The following ARHGEF1 variants were observed in gnomAD, a reference collection of about 807,000 sequenced individuals.
ARHGEF1 encodes Rho guanine nucleotide exchange factor 1, also known as 115 kDa guanine nucleotide exchange factor.
A neutral mutation model predicts 119.7 loss-of-function variants in ARHGEF1; 40 were observed. That is an observed-to-expected ratio of 0.33 (90% CI 0.26 to 0.44). ARHGEF1 has a LOEUF of 0.44. Among genes scored for constraint, ARHGEF1 ranks in the 20% least tolerant of loss-of-function variants. ARHGEF1 has a pLI of 1.00. For missense variants in ARHGEF1, 976 were observed against 1,268.3 expected, an observed-to-expected ratio of 0.77 and a Z score of 3.50; for synonymous variants, 494 against 521.0, an observed-to-expected ratio of 0.95 and a Z score of 0.71.
Position 41,888,241 on chromosome 19 carries a change from G to A in ARHGEF1, c.74G>A (p.Gly25Glu). The A allele has an allele frequency of 6.2e-7, 1 of 1,613,988 alleles. No homozygotes were observed. The highest frequency in any genetic ancestry group is 1.7e-5 in the Admixed American group (1 of 60,016). The change falls in exon 3 of 29, where the codon GGG becomes GAG. Residue 25 changes from glycine to glutamate, a missense_variant. Gly to Glu is a moderately conservative substitution (Grantham distance 98). Around this residue, in one of 3 missense-constraint regions of ARHGEF1, gnomAD observed 519 missense variants for 580.9 expected, o/e 0.89. Transcript: ENST00000354532. The surrounding 1 kb of genome is among the most constrained non-coding windows in gnomAD (Gnocchi z 5.1). ...GGCCTGGTTCCCGTCAGCATCATCGGGGCTGAGGATGAGGATTTTGAGAAC... is the reference window on the plus strand; with the variant it reads ...GGCCTGGTTCCCGTCAGCATCATCGAGGCTGAGGATGAGGATTTTGAGAAC... ...RPGLVPVSII[G>E]AEDEDFENEL...
At chr19:41,912,802 G>T in intron 18 of ARHGEF1, 1 of 689,208 alleles carries the variant, frequency 1.5e-6, no homozygotes, top group Non-Finnish European at 2.0e-6. Context: ...GCGGCTCACT[G>T]GGGAAGCCTG....
At chr19:41,897,965 C>T in intron 13 of ARHGEF1, 3 of 1,313,868 alleles carry the variant, frequency 2.3e-6, no homozygotes, top group Non-Finnish European at 1.9e-6. Flanking sequence ...GCGTCTGGGG[C>T]GCTCAGAGAG....
chr19:41,902,769 G>C lies in ARHGEF1; in HGVS notation c.1624-15G>C. 1 of 1,613,278 alleles carries C rather than the reference G, an allele frequency of 6.2e-7. No individual in the cohort carries two copies. The highest frequency in any genetic ancestry group is 8.5e-7 in the Non-Finnish European group (1 of 1,179,970). ...CAAAGCCTGGGCCATCGCAACACCA[G>C]CATGTTTCCCGCAGGAAGCTGAGAG... On this transcript the variant is annotated splice_polypyrimidine_tract_variant and intron_variant, in intron 17 of 28. Transcript: ENST00000354532. The surrounding 1 kb of genome is among the most constrained non-coding windows in gnomAD (Gnocchi z 6.5).
chr19:41,890,001 C>G (rs551650432), intron 4 of ARHGEF1: 1 of 152,108 alleles, frequency 6.6e-6, no homozygotes, highest in African/African-American at 2.4e-5. Flanking sequence ...CAGGGACTTG[C>G]CTGAGGTGAC....
At chr19:41,911,518 G>T (rs547459169), downstream of ARHGEF1, among the ~76,000 whole-genome samples, 1 of 152,324 alleles carries the variant, frequency 6.6e-6, no homozygotes, top group South Asian at 2.1e-4. Context: ...GGGGGCGCAG[G>T]GTCCCACCCA....
At position 41,903,549 on chromosome 19, in the gene ARHGEF1, C is replaced by A; in HGVS notation, c.1839+142C>A. 2.8e-6 allele frequency: 3 copies of A among 1,087,374 alleles called. No individual in the cohort carries two copies. The highest frequency in any genetic ancestry group is 4.1e-6 in the Non-Finnish European group (3 of 739,780). The allele number at this position is 1,087,374 out of a possible 1,614,324, so 67.4% of individuals were successfully genotyped here. ...TCACTGTGTCCAGGGGTTGGCTTGG[C>A]CCTCAGCATCTCCCTCTCAGGGTCA... On this transcript the variant is annotated intron_variant, in intron 19 of 28. Coordinates refer to ENST00000354532, the MANE Select transcript of ARHGEF1 (RefSeq NM_004706.4). This position sits in a 1 kb window ranked among gnomAD's most constrained non-coding sequence, Gnocchi z 4.2.
In ARHGEF1 at chr19:41,897,678, T is replaced by C. The variant is rs372462348; in HGVS notation, c.1122-764T>C. The C allele has an allele frequency of 8.9e-4, 230 of 259,584 alleles. 5 individuals carry two copies. The South Asian group carries it at 0.011, about 12-fold the overall frequency. The allele number at this position is 259,584 out of a possible 1,614,324, so 16.1% of individuals were successfully genotyped here. The stretch of plus-strand genomic sequence containing the variant: ...TGACTCTCTCCTCTCTTCTGTTGCA[T>C]GTTTGATCCCTGTCCTGGTCACCCT... On this transcript the variant is annotated intron_variant, in intron 13 of 28. Coordinates refer to ENST00000354532, the MANE Select transcript of ARHGEF1 (RefSeq NM_004706.4).
chr19:41,889,293 G>C lies in ARHGEF1; in HGVS notation c.225+428G>C, dbSNP rs2074341124. ...CGCAGTCATTCACGGTTGATGGTTG[G>C]GAAAAAGAAGCTGTTAGCCATCCCA... On this transcript the variant is annotated intron_variant, in intron 4 of 28. Coordinates refer to ENST00000354532, the MANE Select transcript of ARHGEF1 (RefSeq NM_004706.4). This position sits in a 1 kb window ranked among gnomAD's most constrained non-coding sequence, Gnocchi z 4.0. 1.2e-5 allele frequency: 2 copies of C among 161,616 alleles called. No homozygotes were observed. The highest frequency in any genetic ancestry group is 1.2e-4 in the Admixed American group (2 of 16,830). The allele number at this position is 161,616 out of a possible 1,614,324, so 10.0% of individuals were successfully genotyped here. A position where few individuals can be genotyped will look rare whatever the true frequency, so the allele number is the denominator to read the frequency against.
intron 18 of ARHGEF1, chr19:41,912,984 C>T: frequency 1.2e-6 from 1 of 852,296 alleles, no homozygotes; most frequent in Non-Finnish European, 1.6e-6. Flanking sequence ...GAGAGACAGA[C>T]ACAGGTCAGC....
rs1555849385 is a variant in ARHGEF1, at chr19:41,903,055, C to T, written c.1738+157C>T. ...ACCTCAGCTCCCCAAGTAGCTGGGA[C>T]CCCAAGGGCACACCACCATGCCCAG... On this transcript the variant is annotated intron_variant, in intron 18 of 28. Coordinates refer to ENST00000354532, the MANE Select transcript of ARHGEF1 (RefSeq NM_004706.4). This position sits in a 1 kb window ranked among gnomAD's most constrained non-coding sequence, Gnocchi z 4.2. 6.6e-6 allele frequency among the ~76,000 whole-genome samples: 1 copy of T among 152,036 alleles called. No homozygotes were observed. Among genetic ancestry groups the T allele is most frequent in the Admixed American group, 6.5e-5 (1 of 15,274 alleles).
At chr19:41,895,660 C>T (rs533390842) in intron 12 of ARHGEF1, among the ~76,000 whole-genome samples, 174 bp downstream of exon 12, 1 of 152,298 alleles carries the variant, frequency 6.6e-6, no homozygotes, top group Non-Finnish European at 1.5e-5. Context: ...CTTTCCCCTT[C>T]CCTCAGTTTG....
Position 41,892,401 on chromosome 19 carries a change from G to C in ARHGEF1, c.367+28G>C. On this transcript the variant is annotated intron_variant, in intron 6 of 28. Coordinates refer to ENST00000354532, the MANE Select transcript of ARHGEF1 (RefSeq NM_004706.4). The surrounding 1 kb of genome is among the most constrained non-coding windows in gnomAD (Gnocchi z 6.3). ...AAGGAGAAGGATGGGATGAGGGAGAGGTGTCTAGCGGGGACCACACCTCCC... is the reference window on the plus strand; with the variant it reads ...AAGGAGAAGGATGGGATGAGGGAGACGTGTCTAGCGGGGACCACACCTCCC... 6.2e-7 allele frequency: 1 copy of C among 1,613,820 alleles called. No homozygotes were observed. Among genetic ancestry groups the C allele is most frequent in the Non-Finnish European group, 8.5e-7 (1 of 1,179,886 alleles).
In ARHGEF1 at chr19:41,888,137, T is replaced by C; in HGVS notation, c.24+31T>C. ...TGGACAGAGCAAGGGGTGAGGCGAC[T>C]CTGGGGCTGTGGGTGGAGAGTCCTG... On this transcript the variant is annotated intron_variant, in intron 2 of 28. Coordinates refer to ENST00000354532, the MANE Select transcript of ARHGEF1 (RefSeq NM_004706.4). The surrounding 1 kb of genome is among the most constrained non-coding windows in gnomAD (Gnocchi z 5.1). The C allele has an allele frequency of 6.2e-7, 1 of 1,614,046 alleles. No individual in the cohort carries two copies. The highest frequency in any genetic ancestry group is 1.1e-5 in the South Asian group (1 of 91,062).
upstream of ARHGEF1, among the ~76,000 whole-genome samples, chr19:41,920,763 G>A (rs566520901): frequency 7.2e-5 from 11 of 152,258 alleles, no homozygotes; most frequent in South Asian, 2.1e-4. Flanking sequence ...AGGACACACA[G>A]AGGGACAGAA....
At chr19:41,920,932 TCTCTGC>T (rs1260353527), upstream of ARHGEF1, among the ~76,000 whole-genome samples, 1 of 152,174 alleles carries the variant, frequency 6.6e-6, no homozygotes, top group Non-Finnish European at 1.5e-5. Flanking sequence ...TCTGTCTCTG[TCTCTGC>T]CTCCGGCCCT....
downstream of ARHGEF1, chr19:41,910,201 T>G (rs1212665796): frequency 8.9e-7 from 1 of 1,129,906 alleles, no homozygotes; most frequent in Non-Finnish European, 1.2e-6. The surrounding 1 kb of genome is among the most constrained non-coding windows in gnomAD (Gnocchi z 4.4). Flanking sequence ...TCTCCTCCAG[T>G]CTCAGGCATC....
upstream of ARHGEF1, among the ~76,000 whole-genome samples, chr19:41,922,267 C>G (rs1223355902): frequency 1.3e-5 from 2 of 151,942 alleles, no homozygotes; most frequent in African/African-American, 2.4e-5. Flanking sequence ...GAGGTGGAAT[C>G]CAGATTAAAC....
rs781827737 is a variant in ARHGEF1, at chr19:41,902,468, G to A, written c.1498-65G>A. On this transcript the variant is annotated intron_variant, in intron 16 of 28. Coordinates refer to ENST00000354532, the MANE Select transcript of ARHGEF1 (RefSeq NM_004706.4). This position sits in a 1 kb window ranked among gnomAD's most constrained non-coding sequence, Gnocchi z 6.5. Reference sequence around the variant, plus strand: ...CCAGGGTCTGGGCTTCCAGCCTGTCGTACTTTAGTCCCTGTTCTTGCCCAT... The same window carrying A: ...CCAGGGTCTGGGCTTCCAGCCTGTCATACTTTAGTCCCTGTTCTTGCCCAT... 71 of 1,611,634 alleles carry A rather than the reference G, an allele frequency of 4.4e-5. 1 individual carries two copies. Among genetic ancestry groups the A allele is most frequent in the South Asian group, 1.5e-4 (14 of 90,890 alleles).
At chr19:41,913,689 A>AC (rs1555851478) in intron 18 of ARHGEF1, among the ~76,000 whole-genome samples, 2 of 132,572 alleles carry the variant, frequency 1.5e-5, no homozygotes, top group Non-Finnish European at 3.2e-5. Context: ...CCCCTGTCAG[A>AC]CCCCCTCCCT....
Sources: allele counts gnomAD v4.1 joint callset (sites outside exome capture counted in the v4.1 genomes callset), GRCh38; gene constraint gnomAD v4.1.1; regional missense constraint gnomAD v4.1.1; non-coding constraint Gnocchi (gnomAD v3.1); transcripts MANE v1.5; gene names NCBI Gene and HGNC (gene_info 2026-07-23, HGNC 2026-07-21).